The following MMS19 variants were observed in gnomAD, a reference collection of about 807,000 sequenced individuals.
MMS19 encodes the protein MMS19 nucleotide excision repair protein homolog.
In MMS19, 77 loss-of-function variants were observed where a neutral mutation model predicts 129.8. The observed-to-expected ratio is 0.59, with a 90% CI of 0.49 to 0.72. MMS19 has a LOEUF of 0.72. Among genes scored for constraint, MMS19 ranks in the 30% least tolerant of loss-of-function variants. The probability of loss-of-function intolerance (pLI) is 0.00; values close to 1 mark genes in which losing one functional copy is unlikely to be tolerated. For missense variants in MMS19, 1,168 were observed against 1,266.3 expected (o/e 0.92, Z 1.18); for synonymous variants, 491 against 502.8 (o/e 0.98, Z 0.31).
chr10:97,460,085 C>T lies in MMS19; in HGVS notation c.2617G>A (p.Val873Met). ...MFRQRFFTDN[V>M]PALVQGFHAA... is the part of the protein sequence containing the mutation. ...TGGAAGCCCTGGACCAAAGCAGGCA[C>T]ATTATCTGTGAAGAACCGCTGGCGG... The change falls in exon 26 of 31, where the codon GTG (valine) becomes ATG (methionine). Residue 873 changes from valine to methionine, a missense_variant. By Grantham distance (21) the Val-to-Met change is conservative. Coordinates refer to ENST00000438925, the MANE Select transcript of MMS19 (RefSeq NM_022362.5). The T allele has an allele frequency of 6.2e-7, 1 of 1,614,038 alleles. No homozygotes were observed. Among genetic ancestry groups the T allele is most frequent in the Non-Finnish European group, 8.5e-7 (1 of 1,179,910 alleles).
intron 1 of MMS19, among the ~76,000 whole-genome samples, chr10:97,493,652 T>G (rs2039323392): frequency 6.6e-6 from 1 of 152,256 alleles, no homozygotes; most frequent in African/African-American, 2.4e-5. Flanking sequence ...GTAAAATTCC[T>G]GGGTTTATGG....
chr10:97,466,135 T>G lies in MMS19; in HGVS notation c.1530A>C (p.Ser510=), dbSNP rs748523867. The G allele has an allele frequency of 6.3e-7, 1 of 1,580,318 alleles. No homozygotes were observed. Among genetic ancestry groups the G allele is most frequent in the Non-Finnish European group, 8.6e-7 (1 of 1,163,166 alleles). The change falls in exon 17 of 31, where the codon TCA becomes TCC. Residue 510 remains serine (S), a synonymous_variant. Coordinates refer to ENST00000438925, the MANE Select transcript of MMS19 (RefSeq NM_022362.5). ...QSCRVAALEA[S]GTLAALYPVA... is the part of the protein sequence containing the mutation. ...CAGGGTAGAGAGCAGCCAGGGTTCC[T>G]GATGCTTCCAGTGCTGCCACCCTGC...
At chr10:97,462,218 A>C (rs554885270) in intron 20 of MMS19, 99 bp from the exon 21 acceptor site, 1 of 814,480 alleles carries the variant, frequency 1.2e-6, no homozygotes, top group Admixed American at 2.1e-5. Flanking sequence ...AATTAGGATC[A>C]CCACGTCAAT....
intron 1 of MMS19, among the ~76,000 whole-genome samples, chr10:97,495,932 C>T (rs2135593494): frequency 6.6e-6 from 1 of 152,366 alleles, no homozygotes; most frequent in Admixed American, 6.5e-5. Flanking sequence ...CAGGCATGCA[C>T]CACCATGCCT....
At chr10:97,463,497 T>A (rs764068798) in intron 19 of MMS19, among the ~76,000 whole-genome samples, 1 of 152,142 alleles carries the variant, frequency 6.6e-6, no homozygotes, top group Admixed American at 6.5e-5. Context: ...AGTGAGGAAA[T>A]TGAAGCGTGG....
rs370977937 is a variant in MMS19, at chr10:97,498,255, C to T, written c.112+18G>A. 47 of 1,537,482 alleles carry T rather than the reference C, an allele frequency of 3.1e-5. No homozygotes were observed. Among genetic ancestry groups the T allele is most frequent in the Non-Finnish European group, 4.0e-5 (46 of 1,150,330 alleles). The stretch of plus-strand genomic sequence containing the variant: ...TGTTGGCCCCCATGCGGAAGGCGCG[C>T]GGCGCCGTCTGCCGTACCTGCAGCC... On this transcript the variant is annotated intron_variant, in intron 1 of 30. Coordinates refer to ENST00000438925, the MANE Select transcript of MMS19 (RefSeq NM_022362.5).
chr10:97,481,614 G>A (rs2036811663), intron 2 of MMS19, among the ~76,000 whole-genome samples: 2 of 152,134 alleles, frequency 1.3e-5, no homozygotes, highest in Admixed American at 1.3e-4. Flanking sequence ...AGTTAACTAG[G>A]TAGGATTATT....
intron 1 of MMS19, among the ~76,000 whole-genome samples, chr10:97,491,855 A>G (rs888986491): frequency 6.6e-6 from 1 of 151,580 alleles, no homozygotes; most frequent in Admixed American, 6.6e-5. Context: ...AAAAGTGACT[A>G]TAAGGCCGGG....
At chr10:97,466,257 C>T (rs1030369467) in intron 16 of MMS19, 98 bp from the exon 17 acceptor site, 35 of 992,912 alleles carry the variant, frequency 3.5e-5, no homozygotes, top group East Asian at 2.4e-4. Context: ...GAGCTCCCAA[C>T]GCCTCCTTGC....
At chr10:97,492,021 C>G (rs2038976783) in intron 1 of MMS19, among the ~76,000 whole-genome samples, 1 of 151,618 alleles carries the variant, frequency 6.6e-6, no homozygotes, top group Admixed American at 6.6e-5. Flanking sequence ...GCCTGTAATC[C>G]TAGCTACTCC....
intron 22 of MMS19, 73 bp downstream of exon 22, chr10:97,461,755 C>T: frequency 1.3e-6 from 2 of 1,554,950 alleles, no homozygotes; most frequent in South Asian, 1.2e-5. Flanking sequence ...ATCAGCTTAG[C>T]CTGTGGCAAA....
rs769229268 is a variant in MMS19 at position 97,461,607 on chromosome 10, G to T, written c.2200C>A (p.Leu734Met). ...SLPRNVEIPQ[L>M]NQLMRELLEL... ...AAAAGCTCCCGCATGAGTTGGTTCAGCTGAGGGATTTCCACCTACAGAAAA... is the reference window on the plus strand; with the variant it reads ...AAAAGCTCCCGCATGAGTTGGTTCATCTGAGGGATTTCCACCTACAGAAAA... The change falls in exon 23 of 31, where the codon CTG becomes ATG. Residue 734 changes from leucine (L) to methionine (M), a missense_variant. Physicochemically the swap from Leu to Met is conservative, Grantham distance 15. This residue lies in a region of MMS19 where 831 missense variants were observed against 910.8 expected (regional missense o/e 0.91). Transcript: ENST00000438925. 3 of 1,599,090 alleles carry T rather than the reference G, an allele frequency of 1.9e-6. No homozygotes were observed. The highest frequency in any genetic ancestry group is 1.7e-6 in the Non-Finnish European group (2 of 1,172,828).
At position 97,460,696 on chromosome 10, in the gene MMS19, C is replaced by T. The variant is rs369840797; in HGVS notation, c.2468G>A (p.Arg823Gln). 3.4e-5 allele frequency: 54 copies of T among 1,591,640 alleles called. No individual in the cohort carries two copies. Among genetic ancestry groups the T allele is most frequent in the South Asian group, 1.3e-4 (11 of 87,142 alleles). The change falls in exon 25 of 31, where the codon CGG (arginine) becomes CAG (glutamine). Residue 823 changes from arginine (R) to glutamine (Q), a missense_variant and splice_region_variant. By Grantham distance (43) the Arg-to-Gln change is conservative. Around this residue, in one of 3 missense-constraint regions of MMS19, gnomAD observed 831 missense variants for 910.8 expected, o/e 0.91. Transcript: ENST00000438925. ...YHPLSSCLTA[R>Q]LMGLLSDPEL... ...CTTCTGTCTCCAGAAAGGACGTACC[C>T]GGGCTGTAAGGCAGGAGCTGAGAGG...
rs1254980274 is a variant in MMS19, at chr10:97,460,187, C to T, written c.2515G>A (p.Asp839Asn). 3 of 1,613,940 alleles carry T rather than the reference C, an allele frequency of 1.9e-6. No homozygotes were observed. The highest frequency in any genetic ancestry group is 1.1e-5 in the South Asian group (1 of 91,088). ...TCAGACATGAGCAGAGAGAAGCCAT[C>T]AGCTGCTGCTGGACCTAATTCTGGG... ...SDPELGPAAA[D>N]GFSLLMSDCT... Residue 839 changes from aspartate to asparagine, a missense_variant, in exon 26 of 31, where the codon GAT becomes AAT. Around this residue, in one of 3 missense-constraint regions of MMS19, gnomAD observed 831 missense variants for 910.8 expected, o/e 0.91. Coordinates refer to ENST00000438925, the MANE Select transcript of MMS19 (RefSeq NM_022362.5).
chr10:97,490,101 A>AT lies in MMS19; in HGVS notation c.113-5951dup, dbSNP rs546435361. On this transcript the variant is annotated intron_variant, in intron 1 of 30. Coordinates refer to ENST00000438925, the MANE Select transcript of MMS19 (RefSeq NM_022362.5). Reference sequence around the variant, plus strand: ...AGGAGTATCTACCTATATTATTTGGATTTTTTTTTTGAGGCAGGGTCTAGC... The same window carrying AT: ...AGGAGTATCTACCTATATTATTTGGATTTTTTTTTTTGAGGCAGGGTCTAGC... 7.3e-4 allele frequency among the ~76,000 whole-genome samples: 109 copies of AT among 150,004 alleles called. 3 individuals carry two copies. Among genetic ancestry groups the AT allele is most frequent in the Non-Finnish European group, 4.5e-4 (30 of 67,322 alleles).
intron 1 of MMS19, among the ~76,000 whole-genome samples, chr10:97,497,780 TCTC>T (rs1417105647): frequency 6.6e-6 from 1 of 152,152 alleles, no homozygotes; most frequent in Non-Finnish European, 1.5e-5. Flanking sequence ...TCCTGGCCCG[TCTC>T]CTCAACTCCT....
intron 1 of MMS19, among the ~76,000 whole-genome samples, chr10:97,492,034 A>C (rs2038980043): frequency 6.6e-6 from 1 of 151,582 alleles, no homozygotes; most frequent in Non-Finnish European, 1.5e-5. Flanking sequence ...GCTACTCCGA[A>C]GGCTGAGGCA....
chr10:97,464,680 T>C (rs946661066), intron 18 of MMS19, among the ~76,000 whole-genome samples: 2 of 151,684 alleles, frequency 1.3e-5, no homozygotes, highest in Non-Finnish European at 2.9e-5. Flanking sequence ...CACATGAAAA[T>C]TACCTAGGTA....
At chr10:97,461,654 G>T in intron 22 of MMS19, 32 bp from the exon 23 acceptor site, 1 of 1,588,686 alleles carries the variant, frequency 6.3e-7, no homozygotes, top group South Asian at 1.1e-5. Flanking sequence ...AATGGACCCA[G>T]AGAACACTTG....
Sources: allele counts gnomAD v4.1 joint callset (sites outside exome capture counted in the v4.1 genomes callset), GRCh38; gene constraint gnomAD v4.1.1; regional missense constraint gnomAD v4.1.1; transcripts MANE v1.5; gene names NCBI Gene and HGNC (gene_info 2026-07-23, HGNC 2026-07-21).